The following PARD3 variants were observed in gnomAD, a reference collection of about 807,000 sequenced individuals.
The protein encoded by PARD3 is partitioning defective 3 homolog.
In PARD3, 75 loss-of-function variants were observed where a neutral mutation model predicts 155.4. The ratio of observed to expected loss-of-function variants is 0.48; its 90% CI spans 0.40 to 0.58. The LOEUF (loss-of-function observed/expected upper bound fraction) is 0.58, where lower values mean the gene tolerates loss of function less well. Ranked by LOEUF, PARD3 falls within the 20% of genes least tolerant of loss-of-function variation. The probability of loss-of-function intolerance (pLI) is 0.00; values close to 1 mark genes in which losing one functional copy is unlikely to be tolerated. For synonymous variants in PARD3, 576 were observed against 610.5 expected (o/e 0.94, Z 0.83); for missense variants, 1,642 against 1,721.7 (o/e 0.95, Z 0.82).
chr10:34,331,017 T>A, intron 19 of PARD3, 100 bp downstream of exon 19: 1 of 782,014 alleles, frequency 1.3e-6, no homozygotes, highest in Non-Finnish European at 2.1e-6. Context: ...TCTCAGAGAT[T>A]ACCCTGAAGA....
intron 22 of PARD3, among the ~76,000 whole-genome samples, chr10:34,179,166 G>A (rs1017556558): frequency 3.0e-5 from 4 of 131,236 alleles, no homozygotes; most frequent in South Asian, 2.2e-4. Flanking sequence ...ATGTGCGTGC[G>A]CGCACACACA....
At chr10:34,320,074 T>C (rs934260137) in intron 19 of PARD3, among the ~76,000 whole-genome samples, 2 of 152,202 alleles carry the variant, frequency 1.3e-5, no homozygotes, top group Non-Finnish European at 2.9e-5. Flanking sequence ...TCTAAGCTCC[T>C]CAAATGAAGA....
chr10:34,556,262 T>C (rs1452332127), intron 2 of PARD3, among the ~76,000 whole-genome samples: 1 of 152,172 alleles, frequency 6.6e-6, no homozygotes, highest in Non-Finnish European at 1.5e-5. Flanking sequence ...AAAGCTAAAT[T>C]AATCTGGCTT....
intron 8 of PARD3, among the ~76,000 whole-genome samples, chr10:34,383,210 A>G (rs1451722117): frequency 6.6e-6 from 1 of 152,196 alleles, no homozygotes; most frequent in Non-Finnish European, 1.5e-5. Flanking sequence ...TGTTTTAAGT[A>G]TAACAAGTAT....
chr10:34,564,444 T>C (rs1018623300), intron 2 of PARD3, among the ~76,000 whole-genome samples: 12 of 152,192 alleles, frequency 7.9e-5, no homozygotes, highest in African/African-American at 2.9e-4. Context: ...CATTTCAGGA[T>C]TTGCTTAGAA....
Position 34,154,300 on chromosome 10 carries a change from A to C in PARD3, c.3420-22717T>G, listed in dbSNP as rs369604464. ...AAAACTGCAGAAATGTAAAACAATA[A>C]TACTACTAATAATACGTGTTGGGCA... On this transcript the variant is annotated intron_variant, in intron 22 of 24. Coordinates refer to ENST00000374788, the MANE Select transcript of PARD3 (RefSeq NM_001184785.2). 4.2e-4 allele frequency among the ~76,000 whole-genome samples: 64 copies of C among 152,312 alleles called. No homozygotes were observed. In the South Asian group the frequency reaches 6.0e-3, roughly 14 times the overall value.
At chr10:34,545,768 GACTGGTCTCGA>G (rs1465889533) in intron 2 of PARD3, among the ~76,000 whole-genome samples, 2 of 152,174 alleles carry the variant, frequency 1.3e-5, no homozygotes, top group Non-Finnish European at 2.9e-5. Flanking sequence ...ATGTTGGCCA[GACTGGTCTCGA>G]ACTTCTGACC....
chr10:34,682,395 C>T (rs2093859758), intron 2 of PARD3, among the ~76,000 whole-genome samples: 1 of 151,380 alleles, frequency 6.6e-6, no homozygotes, highest in African/African-American at 2.5e-5. Context: ...AATTCTAACA[C>T]ACAGAAAATA....
At chr10:34,593,769 G>A (rs973342911) in intron 2 of PARD3, among the ~76,000 whole-genome samples, 1 of 152,166 alleles carries the variant, frequency 6.6e-6, no homozygotes, top group Admixed American at 6.5e-5. Flanking sequence ...GGGAAGACAT[G>A]AGCTACCATT....
intron 4 of PARD3, among the ~76,000 whole-genome samples, chr10:34,458,724 TAAA>T (rs1357524548): frequency 6.6e-6 from 1 of 152,128 alleles, no homozygotes; most frequent in Admixed American, 6.5e-5. Flanking sequence ...TTAACGTTTA[TAAA>T]AAATTACAAA....
At chr10:34,710,006 G>T (rs1407725202) in intron 1 of PARD3, among the ~76,000 whole-genome samples, 2 of 152,010 alleles carry the variant, frequency 1.3e-5, no homozygotes, top group Admixed American at 6.6e-5. Flanking sequence ...GAGAGGCGGG[G>T]GGACAGGGAG....
At chr10:34,612,500 G>A (rs1387050087) in intron 2 of PARD3, among the ~76,000 whole-genome samples, 1 of 152,132 alleles carries the variant, frequency 6.6e-6, no homozygotes, top group Non-Finnish European at 1.5e-5. Context: ...CGATATGGAC[G>A]TGTAAGATGA....
chr10:34,435,820 T>C (rs755668055), intron 5 of PARD3, among the ~76,000 whole-genome samples: 3 of 152,220 alleles, frequency 2.0e-5, no homozygotes, highest in Non-Finnish European at 4.4e-5. Context: ...CACTATTGAT[T>C]CTGTTCAGAC....
At chr10:34,434,749 G>C (rs1304182842) in intron 5 of PARD3, among the ~76,000 whole-genome samples, 1 of 152,080 alleles carries the variant, frequency 6.6e-6, no homozygotes, top group Non-Finnish European at 1.5e-5. Context: ...CAAGATTAGA[G>C]GCATACAGAA....
At chr10:34,240,551 C>T (rs947019975) in intron 22 of PARD3, among the ~76,000 whole-genome samples, 3 of 152,148 alleles carry the variant, frequency 2.0e-5, no homozygotes, top group African/African-American at 4.8e-5. Context: ...ATGTGAAATT[C>T]TGAATAGCAA....
intron 5 of PARD3, among the ~76,000 whole-genome samples, chr10:34,406,606 T>C (rs1467000808): frequency 6.6e-6 from 1 of 152,188 alleles, no homozygotes; most frequent in Non-Finnish European, 1.5e-5. Context: ...TGCCCAGTTC[T>C]GACCTCAGAC....
intron 1 of PARD3, among the ~76,000 whole-genome samples, chr10:34,810,423 C>T (rs1178845335): frequency 6.6e-6 from 1 of 152,096 alleles, no homozygotes; most frequent in African/African-American, 2.4e-5. Context: ...GGATGCTCAA[C>T]CTGTAATAAC....
intron 1 of PARD3, among the ~76,000 whole-genome samples, chr10:34,784,711 G>C (rs983320958): frequency 4.6e-5 from 7 of 152,134 alleles, no homozygotes; most frequent in Non-Finnish European, 7.4e-5. Context: ...TGCTGGGACT[G>C]CAGGCGTGAG....
intron 19 of PARD3, among the ~76,000 whole-genome samples, chr10:34,324,019 AATTTT>A (rs1156348540): frequency 6.6e-6 from 1 of 152,218 alleles, no homozygotes; most frequent in East Asian, 1.9e-4. Context: ...TGCCACTGAG[AATTTT>A]ATTTTAATCA....
Sources: gnomAD v4.1 joint callset for allele counts (sites outside exome capture counted in the v4.1 genomes callset) on GRCh38, gnomAD v4.1.1 for gene constraint, MANE v1.5 for transcripts, NCBI Gene and HGNC (gene_info 2026-07-23, HGNC 2026-07-21) for gene names.